CHL1: variants seen among roughly 807,000 people sequenced by gnomAD.
CHL1 encodes neural cell adhesion molecule L1-like protein.
A neutral mutation model predicts 141.9 loss-of-function variants in CHL1; 96 were observed. That is an observed-to-expected ratio of 0.68 (90% CI 0.57 to 0.80). The LOEUF (loss-of-function observed/expected upper bound fraction) is 0.80. Ranked by LOEUF, CHL1 falls within the 30% of genes least tolerant of loss-of-function variation. The probability of loss-of-function intolerance (pLI) is 0.00; values close to 1 mark genes in which losing one functional copy is unlikely to be tolerated. For missense variants in CHL1, 1,820 were observed against 1,457.2 expected, an observed-to-expected ratio of 1.25 and a Z score of -4.05; for synonymous variants, 613 against 502.2, an observed-to-expected ratio of 1.22 and a Z score of -2.95.
intron 2 of CHL1, among the ~76,000 whole-genome samples, chr3:280,356 G>A (rs1020007712): frequency 6.6e-6 from 1 of 152,018 alleles, no homozygotes; most frequent in African/African-American, 2.4e-5. Flanking sequence ...CAAGAAAATT[G>A]AACATCAGTC....
intron 15 of CHL1, chr3:376,310 C>T (rs1407015001): frequency 2.3e-5 from 11 of 479,074 alleles, no homozygotes; most frequent in South Asian, 8.0e-5. Context: ...GTGATTTTGA[C>T]ATGTGACAGA....
intron 8 of CHL1, among the ~76,000 whole-genome samples, chr3:343,533 T>C (rs879722155): frequency 6.6e-6 from 1 of 152,236 alleles, no homozygotes. Flanking sequence ...GTGATCTTTT[T>C]ATTTAATTCT....
chr3:243,823 T>G (rs1574839686), intron 1 of CHL1, among the ~76,000 whole-genome samples: 1 of 152,216 alleles, frequency 6.6e-6, no homozygotes, highest in South Asian at 2.1e-4. Context: ...ATTTAGCTCT[T>G]CTGAATGATG....
At chr3:344,182 G>C (rs1702573710) in intron 8 of CHL1, among the ~76,000 whole-genome samples, 1 of 152,072 alleles carries the variant, frequency 6.6e-6, no homozygotes, top group East Asian at 1.9e-4. Flanking sequence ...TGAGGAAGCT[G>C]TTTTTAGCAG....
At chr3:227,433 C>T (rs1352617439) in intron 1 of CHL1, among the ~76,000 whole-genome samples, 3 of 152,108 alleles carry the variant, frequency 2.0e-5, no homozygotes, top group South Asian at 4.1e-4. Flanking sequence ...CAGAAAACCT[C>T]GTCTTTTCTC....
chr3:370,086 T>C (rs745479603), intron 15 of CHL1, among the ~76,000 whole-genome samples: 2 of 152,228 alleles, frequency 1.3e-5, no homozygotes, highest in Non-Finnish European at 2.9e-5. Flanking sequence ...TTCCTGGTTT[T>C]GGTATCAGGA....
chr3:344,211 A>G (rs1359813379), intron 8 of CHL1, among the ~76,000 whole-genome samples: 1 of 152,198 alleles, frequency 6.6e-6, no homozygotes, highest in Non-Finnish European at 1.5e-5. Context: ...TTAAATTCTT[A>G]GGCAATTTAA....
At chr3:203,696 CT>C (rs1181459512) in intron 1 of CHL1, among the ~76,000 whole-genome samples, 1 of 152,168 alleles carries the variant, frequency 6.6e-6, no homozygotes, top group Non-Finnish European at 1.5e-5. Flanking sequence ...GGACCTATGG[CT>C]TTTGGTAGAG....
chr3:234,729 G>A (rs1222189344), intron 1 of CHL1, among the ~76,000 whole-genome samples: 1 of 152,066 alleles, frequency 6.6e-6, no homozygotes, highest in African/African-American at 2.4e-5. Flanking sequence ...CCTGAGATTG[G>A]CTATGTTTAG....
intron 2 of CHL1, among the ~76,000 whole-genome samples, chr3:264,674 TC>T (rs1263450751): frequency 6.6e-6 from 1 of 152,234 alleles, no homozygotes; most frequent in Non-Finnish European, 1.5e-5. Context: ...ACAATCTAAC[TC>T]TTAGAATGAA....
intron 1 of CHL1, among the ~76,000 whole-genome samples, chr3:231,869 A>G (rs548062799): frequency 2.0e-5 from 3 of 151,950 alleles, no homozygotes; most frequent in Non-Finnish European, 4.4e-5. Flanking sequence ...GAACTACCAC[A>G]CCCAGCCTAG....
At position 360,337 on chromosome 3, in the gene CHL1, C is replaced by A. The variant is rs747751635; in HGVS notation, c.1219C>A (p.Leu407Ile). Residue 407 changes from leucine (L) to isoleucine (I), a missense_variant, in exon 12 of 28, where the codon CTT becomes ATT. Physicochemically the swap from Leu to Ile is conservative, Grantham distance 5. Coordinates refer to ENST00000256509, the MANE Select transcript of CHL1 (RefSeq NM_006614.4). ...CCCCAGGGAAATCAGTTTTACCAAC[C>A]TTCAACCAAATCATACTGCTGTGTA... ...VFPREISFTNLQPNHTAVYQC... is the reference protein window; with the variant it reads ...VFPREISFTNIQPNHTAVYQC... 10 of 1,613,662 alleles carry A rather than the reference C, an allele frequency of 6.2e-6. No individual in the cohort carries two copies. In the South Asian group the frequency reaches 8.8e-5, roughly 14 times the overall value.
intron 1 of CHL1, among the ~76,000 whole-genome samples, chr3:220,899 G>C (rs1378470661): frequency 2.4e-4 from 36 of 152,152 alleles, no homozygotes; most frequent in Admixed American, 2.4e-3. Flanking sequence ...TCGAAAGTCT[G>C]ATAAACATTT....
At chr3:234,940 G>A (rs1299011014) in intron 1 of CHL1, among the ~76,000 whole-genome samples, 2 of 151,940 alleles carry the variant, frequency 1.3e-5, no homozygotes, top group African/African-American at 2.4e-5. Context: ...CTTCCAGGCA[G>A]TTTTCACATG....
At chr3:377,721 A>G in intron 15 of CHL1, 97 bp from the exon 16 acceptor site, 7 of 1,059,446 alleles carry the variant, frequency 6.6e-6, no homozygotes, top group Non-Finnish European at 9.5e-6. Flanking sequence ...TCACTCTTAG[A>G]TTGTTTTCGA....
Position 349,457 on chromosome 3 carries a change from T to G in CHL1, c.947T>G (p.Val316Gly). ...GGCAAGACTTTGAAGATAGAGAATG[T>G]CTCCTACCAGGACAAAGGAAATTAT... ...NYGKTLKIEN[V>G]SYQDKGNYRC... Residue 316 changes from valine (V) to glycine (G), a missense_variant, in exon 10 of 28, where the codon GTC (valine) becomes GGC (glycine). Physicochemically the swap from Val to Gly is moderately radical, Grantham distance 109. Transcript: ENST00000256509. 14 of 1,613,956 alleles carry G rather than the reference T, an allele frequency of 8.7e-6. No individual in the cohort carries two copies. Among genetic ancestry groups the G allele is most frequent in the Non-Finnish European group, 1.2e-5 (14 of 1,179,852 alleles).
At chr3:344,527 T>A in intron 8 of CHL1, 62 bp from the exon 9 acceptor site, 1 of 1,258,558 alleles carries the variant, frequency 7.9e-7, no homozygotes, top group East Asian at 2.5e-5. Context: ...AAAGATGTGG[T>A]GTCACAGAAT....
chr3:346,450 C>G (rs904179313), intron 9 of CHL1, among the ~76,000 whole-genome samples: 1 of 152,178 alleles, frequency 6.6e-6, no homozygotes, highest in African/African-American at 2.4e-5. Context: ...TTGAGTTGGG[C>G]AGGGTGATCC....
At position 365,974 on chromosome 3, in the gene CHL1, C is replaced by G. The variant is rs1309792616; in HGVS notation, c.1610C>G (p.Pro537Arg). ...IRNATKLRVS[P>R]KNPRIPKLHM... Reference sequence around the variant, plus strand: ...GATGCTACAAAACTTAGAGTTTCTCCTAAGAATCCTCGTATCCCCAAATTG... The same window carrying G: ...GATGCTACAAAACTTAGAGTTTCTCGTAAGAATCCTCGTATCCCCAAATTG... The change falls in exon 15 of 28, where the codon CCT (proline) becomes CGT (arginine). Residue 537 changes from proline (P) to arginine (R), a missense_variant. Coordinates refer to ENST00000256509, the MANE Select transcript of CHL1 (RefSeq NM_006614.4). The G allele has an allele frequency of 6.2e-7, 1 of 1,613,178 alleles. No homozygotes were observed. The highest frequency in any genetic ancestry group is 8.5e-7 in the Non-Finnish European group (1 of 1,179,538).
Sources: allele counts gnomAD v4.1 joint callset (sites outside exome capture counted in the v4.1 genomes callset), GRCh38; gene constraint gnomAD v4.1.1; transcripts MANE v1.5; gene names NCBI Gene and HGNC (gene_info 2026-07-23, HGNC 2026-07-21).